The following AP1S3 variants were observed in gnomAD, a reference collection of about 807,000 sequenced individuals.
The protein encoded by AP1S3 is adaptor related protein complex 1 subunit sigma 3.
AP1S3 carries 10 observed loss-of-function variants against 20.9 expected under a neutral mutation model. The ratio of observed to expected loss-of-function variants is 0.48; its 90% CI spans 0.29 to 0.81. The LOEUF is 0.81. Among genes scored for constraint, AP1S3 ranks in the 30% least tolerant of loss-of-function variants. The probability of loss-of-function intolerance (pLI) is 0.08; values close to 1 mark genes in which losing one functional copy is unlikely to be tolerated. For synonymous variants in AP1S3, 41 were observed against 61.5 expected (o/e 0.67, Z 1.56); for missense variants, 154 against 183.8 (o/e 0.84, Z 0.94).
At chr2:223,770,148 G>T (rs929566136) in intron 3 of AP1S3, 22 of 1,534,598 alleles carry the variant, frequency 1.4e-5, no homozygotes, top group Non-Finnish European at 1.8e-5. Context: ...AATCACAATA[G>T]ATTAGACATC....
At chr2:223,811,568 CAAAAAAAAA>C (rs143512043) in intron 1 of AP1S3, among the ~76,000 whole-genome samples, 2 of 135,506 alleles carry the variant, frequency 1.5e-5, no homozygotes, top group East Asian at 4.5e-4. Context: ...GACTCCATTT[CAAAAAAAAA>C]AAAAGAAAAA....
At chr2:223,804,685 C>T (rs953757434) in intron 1 of AP1S3, among the ~76,000 whole-genome samples, 1 of 150,762 alleles carries the variant, frequency 6.6e-6, no homozygotes, top group Non-Finnish European at 1.5e-5. Context: ...GTTCATGCCA[C>T]TGCACTCCAG....
intron 4 of AP1S3, among the ~76,000 whole-genome samples, chr2:223,760,596 C>T (rs1428208371): frequency 6.6e-6 from 1 of 152,178 alleles, no homozygotes; most frequent in East Asian, 1.9e-4. Context: ...GGTCTTTTAA[C>T]TTAGCAGAGG....
chr2:223,782,497 GA>G (rs1413985780), intron 1 of AP1S3, among the ~76,000 whole-genome samples: 14 of 152,158 alleles, frequency 9.2e-5, no homozygotes, highest in African/African-American at 2.7e-4. Flanking sequence ...GTTTTATTGA[GA>G]GGTGTAACTA....
intron 1 of AP1S3, among the ~76,000 whole-genome samples, chr2:223,835,262 A>G (rs1007555891): frequency 6.6e-6 from 1 of 152,258 alleles, no homozygotes; most frequent in African/African-American, 2.4e-5. Context: ...TGCAATGAGC[A>G]TAACAGATTT....
chr2:223,763,849 G>A (rs1690417021), intron 4 of AP1S3, among the ~76,000 whole-genome samples: 1 of 152,118 alleles, frequency 6.6e-6, no homozygotes, highest in Admixed American at 6.5e-5. Flanking sequence ...CACACCTAAT[G>A]GTGTTTTGTT....
At chr2:223,764,768 T>C (rs1031180203) in intron 4 of AP1S3, among the ~76,000 whole-genome samples, 1 of 152,232 alleles carries the variant, frequency 6.6e-6, no homozygotes, top group Non-Finnish European at 1.5e-5. Flanking sequence ...GGTATTTTAA[T>C]GAAAGTCTTT....
intron 1 of AP1S3, among the ~76,000 whole-genome samples, chr2:223,779,432 C>G (rs1396777806): frequency 6.6e-6 from 1 of 151,982 alleles, no homozygotes; most frequent in Non-Finnish European, 1.5e-5. Flanking sequence ...TTTTAAAAAC[C>G]TTGAAGTTAT....
At chr2:223,793,740 C>A (rs1167721757) in intron 1 of AP1S3, among the ~76,000 whole-genome samples, 2 of 152,062 alleles carry the variant, frequency 1.3e-5, no homozygotes, top group Non-Finnish European at 2.9e-5. Context: ...TCCCCAGAAC[C>A]TATTCAATCT....
At chr2:223,822,284 C>T (rs932394796) in intron 1 of AP1S3, among the ~76,000 whole-genome samples, 6 of 151,784 alleles carry the variant, frequency 4.0e-5, no homozygotes, top group South Asian at 2.1e-4. Flanking sequence ...CCCAGCTACT[C>T]GGGAGGCTGA....
At chr2:223,761,918 G>A (rs1690363682) in intron 4 of AP1S3, among the ~76,000 whole-genome samples, 1 of 151,934 alleles carries the variant, frequency 6.6e-6, no homozygotes, top group Non-Finnish European at 1.5e-5. Flanking sequence ...ACTGTTTGTC[G>A]CTCCTACCTA....
intron 1 of AP1S3, among the ~76,000 whole-genome samples, chr2:223,795,887 C>A (rs576932315): frequency 4.0e-4 from 61 of 152,044 alleles, no homozygotes; most frequent in African/African-American, 1.4e-3. Context: ...TAATAAATTA[C>A]CCAGGCCAGT....
intron 1 of AP1S3, among the ~76,000 whole-genome samples, chr2:223,785,805 G>A (rs894716260): frequency 1.3e-5 from 2 of 152,170 alleles, no homozygotes; most frequent in African/African-American, 4.8e-5. Context: ...AGTGCAAATA[G>A]TCAGTATGAT....
chr2:223,768,895 T>C (rs565513265), intron 3 of AP1S3, among the ~76,000 whole-genome samples: 5 of 152,310 alleles, frequency 3.3e-5, no homozygotes, highest in Admixed American at 3.3e-4. Context: ...GTTTCTAATA[T>C]GCTAGAGATT....
intron 1 of AP1S3, among the ~76,000 whole-genome samples, chr2:223,780,302 TATATATAGAGAGAGAGAGAG>T (rs1346619060): frequency 3.6e-4 from 18 of 49,608 alleles, no homozygotes; most frequent in African/African-American, 1.6e-3. Flanking sequence ...TATATATATA[TATATATAGAGAGAGAGAGAG>T]AGAGAGAGAG....
intron 1 of AP1S3, among the ~76,000 whole-genome samples, 192 bp from the exon 2 acceptor site, chr2:223,778,061 A>G (rs1221518408): frequency 1.3e-5 from 2 of 152,206 alleles, no homozygotes; most frequent in African/African-American, 4.8e-5. Context: ...AAATGTGTAT[A>G]CCACAAATAT....
At chr2:223,807,687 TC>T (rs1691617214) in intron 1 of AP1S3, among the ~76,000 whole-genome samples, 2 of 151,920 alleles carry the variant, frequency 1.3e-5, no homozygotes, top group African/African-American at 4.8e-5. Flanking sequence ...GTGGAACCTC[TC>T]CCCTCTTGTT....
chr2:223,808,870 C>T (rs1023058390), intron 1 of AP1S3, among the ~76,000 whole-genome samples: 3 of 152,080 alleles, frequency 2.0e-5, no homozygotes, highest in Non-Finnish European at 4.4e-5. Context: ...GAGGAACATG[C>T]CTGTGGTCCC....
At chr2:223,770,064 CG>C in intron 3 of AP1S3, 3 of 1,374,454 alleles carry the variant, frequency 2.2e-6, no homozygotes, top group Non-Finnish European at 2.9e-6. Flanking sequence ...TTTTAAAAAC[CG>C]TATATGTTTA....
Sources: allele counts gnomAD v4.1 joint callset (sites outside exome capture counted in the v4.1 genomes callset), GRCh38; gene constraint gnomAD v4.1.1; transcripts MANE v1.5; gene names NCBI Gene and HGNC (gene_info 2026-07-23, HGNC 2026-07-21).